AGBL1: variants seen among roughly 807,000 people sequenced by gnomAD.
AGBL1 encodes cytosolic carboxypeptidase 4.
A neutral mutation model predicts 118.9 loss-of-function variants in AGBL1; 130 were observed. The observed-to-expected ratio is 1.09, with a 90% CI of 0.95 to 1.26. The LOEUF is 1.26. Ranked by LOEUF, AGBL1 falls within the 50% of genes most tolerant of loss-of-function variation. AGBL1 has a pLI of 0.00. For synonymous variants in AGBL1, 555 were observed against 478.9 expected (o/e 1.16, Z -2.08); for missense variants, 1,584 against 1,298.1 (o/e 1.22, Z -3.38).
intron 24 of AGBL1, among the ~76,000 whole-genome samples, chr15:87,010,853 C>T (rs1049280746): frequency 6.6e-6 from 1 of 152,176 alleles, no homozygotes; most frequent in African/African-American, 2.4e-5. Flanking sequence ...TACCTACCCA[C>T]CTACCTATCT....
At chr15:86,840,770 A>G (rs1474199241) in intron 22 of AGBL1, among the ~76,000 whole-genome samples, 1 of 152,082 alleles carries the variant, frequency 6.6e-6, no homozygotes, top group Non-Finnish European at 1.5e-5. Context: ...AGACAGGTAT[A>G]TTATTTTATT....
intron 22 of AGBL1, among the ~76,000 whole-genome samples, chr15:86,862,773 T>C (rs904481062): frequency 2.0e-5 from 3 of 152,150 alleles, no homozygotes; most frequent in African/African-American, 7.2e-5. Context: ...TTTTACCATT[T>C]TGGCCACAAG....
At chr15:86,169,898 G>C (rs2077391928) in intron 5 of AGBL1, among the ~76,000 whole-genome samples, 1 of 152,120 alleles carries the variant, frequency 6.6e-6, no homozygotes, top group Non-Finnish European at 1.5e-5. Context: ...CTACTTCCAA[G>C]TAAATTAGCT....
chr15:86,409,784 G>A (rs2081584665), intron 18 of AGBL1, among the ~76,000 whole-genome samples: 1 of 152,094 alleles, frequency 6.6e-6, no homozygotes, highest in Non-Finnish European at 1.5e-5. Flanking sequence ...AAATGCACTT[G>A]TTTTGTTCAA....
intron 18 of AGBL1, among the ~76,000 whole-genome samples, chr15:86,473,427 G>C (rs1316368368): frequency 1.3e-5 from 2 of 152,156 alleles, no homozygotes; most frequent in Non-Finnish European, 2.9e-5. Context: ...AAGTAAAAAA[G>C]AAAAGCACAA....
chr15:86,627,315 AAAG>A (rs2084903486), intron 21 of AGBL1, among the ~76,000 whole-genome samples: 1 of 152,172 alleles, frequency 6.6e-6, no homozygotes, highest in South Asian at 2.1e-4. Context: ...TAATTTTTAT[AAAG>A]AAGTTTTTGC....
intron 22 of AGBL1, among the ~76,000 whole-genome samples, chr15:86,815,028 T>G (rs1013715279): frequency 2.6e-5 from 4 of 152,212 alleles, no homozygotes; most frequent in African/African-American, 9.6e-5. Context: ...TGTTTTGTTT[T>G]TTTTTAATAT....
At chr15:86,967,822 T>C (rs868401844) in intron 23 of AGBL1, among the ~76,000 whole-genome samples, 1 of 152,098 alleles carries the variant, frequency 6.6e-6, no homozygotes, top group Non-Finnish European at 1.5e-5. Flanking sequence ...CTTTTTTTGT[T>C]CCATATGAAC....
intron 16 of AGBL1, among the ~76,000 whole-genome samples, chr15:86,292,795 T>G (rs1009140793): frequency 6.6e-6 from 1 of 152,154 alleles, no homozygotes; most frequent in Admixed American, 6.5e-5. Context: ...GGCTCAAAGA[T>G]GGGTTGATGC....
chr15:86,714,111 C>T (rs537345249), intron 22 of AGBL1, among the ~76,000 whole-genome samples: 3 of 152,120 alleles, frequency 2.0e-5, no homozygotes, highest in Non-Finnish European at 4.4e-5. Context: ...ATTGCTACCA[C>T]CACTTCCTTC....
chr15:86,358,166 T>C (rs1297610109), intron 17 of AGBL1, among the ~76,000 whole-genome samples: 1 of 152,074 alleles, frequency 6.6e-6, no homozygotes, highest in Non-Finnish European at 1.5e-5. Context: ...CTTTGCATCC[T>C]TTAATCAATA....
At chr15:86,803,941 T>C (rs2078685246) in intron 22 of AGBL1, among the ~76,000 whole-genome samples, 2 of 152,062 alleles carry the variant, frequency 1.3e-5, no homozygotes, top group African/African-American at 4.8e-5. Context: ...ATTGTATCAG[T>C]AGTGGTGTAG....
intron 23 of AGBL1, among the ~76,000 whole-genome samples, chr15:86,921,316 G>T (rs1191047090): frequency 6.6e-6 from 1 of 152,118 alleles, no homozygotes; most frequent in Admixed American, 6.5e-5. Context: ...ACAGAAAATG[G>T]CCGTCAGAGT....
intron 1 of AGBL1, among the ~76,000 whole-genome samples, chr15:86,120,568 C>T (rs1036105814): frequency 6.6e-6 from 1 of 152,178 alleles, no homozygotes; most frequent in Non-Finnish European, 1.5e-5. Context: ...GGCTGTGAAC[C>T]ACCTCCACTG....
At chr15:86,694,836 C>T (rs972027737) in intron 22 of AGBL1, among the ~76,000 whole-genome samples, 2 of 152,028 alleles carry the variant, frequency 1.3e-5, no homozygotes, top group African/African-American at 4.8e-5. Context: ...ACTTTTTCTG[C>T]ATCTATTGAG....
chr15:86,741,228 T>C (rs1314755047), intron 22 of AGBL1, among the ~76,000 whole-genome samples: 1 of 151,452 alleles, frequency 6.6e-6, no homozygotes, highest in Non-Finnish European at 1.5e-5. Flanking sequence ...CAGGCAGGAC[T>C]GTTTATATTA....
chr15:86,366,903 C>T (rs1042780643), intron 17 of AGBL1, among the ~76,000 whole-genome samples: 1 of 152,166 alleles, frequency 6.6e-6, no homozygotes, highest in African/African-American at 2.4e-5. Flanking sequence ...AAGGTGTTCG[C>T]CTTGACCCCA....
chr15:86,364,414 G>T (rs759357054), intron 17 of AGBL1, among the ~76,000 whole-genome samples: 1 of 152,308 alleles, frequency 6.6e-6, no homozygotes, highest in Non-Finnish European at 1.5e-5. Flanking sequence ...TTGAGCCTAT[G>T]TGAGGGGATT....
intron 24 of AGBL1, among the ~76,000 whole-genome samples, chr15:87,017,936 GT>G (rs1285108865): frequency 1.3e-5 from 2 of 151,018 alleles, no homozygotes; most frequent in African/African-American, 5.0e-5. Flanking sequence ...AGGACAGCCA[GT>G]TTCGAGATGA....
Sources: allele counts gnomAD v4.1 joint callset (sites outside exome capture counted in the v4.1 genomes callset), GRCh38; gene constraint gnomAD v4.1.1; transcripts MANE v1.5; gene names NCBI Gene and HGNC (gene_info 2026-07-23, HGNC 2026-07-21).